Variants in FBXL7 observed in about 807,000 individuals in gnomAD.
FBXL7 encodes F-box/LRR-repeat protein 7.
In FBXL7, 12 loss-of-function variants were observed where a neutral mutation model predicts 38.3. The observed-to-expected ratio is 0.31, with a 90% confidence interval of 0.20 to 0.51. The LOEUF (loss-of-function observed/expected upper bound fraction) is 0.51, where lower values mean the gene tolerates loss of function less well. Ranked by LOEUF, FBXL7 falls within the 20% of genes least tolerant of loss-of-function variation. FBXL7 has a pLI of 0.98. For synonymous variants in FBXL7, 297 were observed against 300.9 expected (o/e 0.99, Z 0.13); for missense variants, 567 against 676.4 (o/e 0.84, Z 1.79).
chr5:15,523,167 G>A (rs575696556), intron 1 of FBXL7, among the ~76,000 whole-genome samples: 1 of 152,280 alleles, frequency 6.6e-6, no homozygotes, highest in South Asian at 2.1e-4. Context: ...TAGGGTAAAT[G>A]GCACTAACTA....
chr5:15,836,306 C>T (rs145689530), intron 2 of FBXL7, among the ~76,000 whole-genome samples: 8 of 151,876 alleles, frequency 5.3e-5, no homozygotes, highest in Middle Eastern at 3.4e-3. Context: ...TGGGCTCTAA[C>T]GAAGGAAGAC....
In FBXL7 at chr5:15,777,720, T is replaced by TAAAAAAAAAAAAA. The variant is rs371293320; in HGVS notation, c.128-150156_128-150144dup. ...TATTGTTTGCAAACCCCTATTCTGG[T>TAAAAAAAAAAAAA]AAAAAAAAAAAAAAAAAAAAAAAAA... On this transcript the variant is annotated intron_variant, in intron 2 of 3. Transcript: ENST00000504595. Among the ~76,000 whole-genome samples the TAAAAAAAAAAAAA allele has an allele frequency of 1.2e-3, 99 of 82,502 alleles. 2 individuals are homozygous for TAAAAAAAAAAAAA. Among genetic ancestry groups the TAAAAAAAAAAAAA allele is most frequent in the African/African-American group, 1.9e-3 (34 of 17,726 alleles). 54.1% of individuals were successfully genotyped at this position (82,502 alleles called of 152,430 possible).
chr5:15,830,813 G>C (rs188490732), intron 2 of FBXL7, among the ~76,000 whole-genome samples: 2 of 152,314 alleles, frequency 1.3e-5, no homozygotes, highest in East Asian at 3.9e-4. Context: ...GTGGAGGGGA[G>C]TGGGGATGCC....
intron 2 of FBXL7, among the ~76,000 whole-genome samples, chr5:15,875,374 A>G (rs1740156564): frequency 6.6e-6 from 1 of 152,236 alleles, no homozygotes; most frequent in Non-Finnish European, 1.5e-5. Context: ...CACCAAAAGC[A>G]ATGGCAACAA....
At chr5:15,585,608 A>G (rs1027957901) in intron 1 of FBXL7, among the ~76,000 whole-genome samples, 2 of 152,250 alleles carry the variant, frequency 1.3e-5, no homozygotes, top group Non-Finnish European at 2.9e-5. Context: ...TCATGATTGT[A>G]TGCCTGAGCT....
chr5:15,782,710 G>T (rs898966583), intron 2 of FBXL7, among the ~76,000 whole-genome samples: 2 of 152,012 alleles, frequency 1.3e-5, no homozygotes, highest in African/African-American at 4.8e-5. Context: ...AAGATCTAAG[G>T]AGCAACCTTT....
Position 15,509,112 on chromosome 5 carries a change from A to G in FBXL7, c.37+8399A>G, listed in dbSNP as rs1462302928. 2.0e-5 allele frequency among the ~76,000 whole-genome samples: 3 copies of G among 152,324 alleles called. No individual in the cohort carries two copies. The East Asian group carries it at 5.8e-4, about 29-fold the overall frequency. ...TGTTATTGGTCAGTGATATTTGATCAGAAGCTACAGACTAGAACCATACAA... is the reference window on the plus strand; with the variant it reads ...TGTTATTGGTCAGTGATATTTGATCGGAAGCTACAGACTAGAACCATACAA... On this transcript the variant is annotated intron_variant, in intron 1 of 3. Transcript: ENST00000504595.
rs73752365 is a variant in FBXL7, at chr5:15,893,206, T to A, written c.128-34684T>A. On this transcript the variant is annotated intron_variant, in intron 2 of 3. Transcript: ENST00000504595. The stretch of plus-strand genomic sequence containing the variant: ...AGAGGCAGGACAGGGTGGAAATCAG[T>A]CTGACCCCAATCAGTCTCTCCCACT... 7.0e-3 allele frequency among the ~76,000 whole-genome samples: 1,058 copies of A among 151,820 alleles called. 19 individuals carry two copies. The highest frequency in any genetic ancestry group is 0.024 in the African/African-American group (1,004 of 41,386).
intron 2 of FBXL7, among the ~76,000 whole-genome samples, chr5:15,665,386 C>A (rs1426008183): frequency 6.6e-6 from 1 of 152,186 alleles, no homozygotes; most frequent in Non-Finnish European, 1.5e-5. Flanking sequence ...CTCTACCTAT[C>A]TATACGGTGG....
intron 2 of FBXL7, among the ~76,000 whole-genome samples, chr5:15,761,180 C>G (rs1175137993): frequency 1.3e-5 from 2 of 152,192 alleles, no homozygotes; most frequent in African/African-American, 4.8e-5. Flanking sequence ...TCTGTTCTTT[C>G]CATTTCCTTT....
At chr5:15,858,052 C>T (rs1042028869) in intron 2 of FBXL7, among the ~76,000 whole-genome samples, 8 of 152,056 alleles carry the variant, frequency 5.3e-5, no homozygotes, top group Admixed American at 4.6e-4. Flanking sequence ...GTTTGGATTT[C>T]TTTCCAAGTT....
Position 15,928,046 on chromosome 5 carries a change from G to A in FBXL7, c.284G>A (p.Arg95His), listed in dbSNP as rs759732541. The change falls in exon 3 of 4, where the codon CGC becomes CAC. Residue 95 changes from arginine (R) to histidine (H), a missense_variant. Physicochemically the swap from Arg to His is conservative, Grantham distance 29. Coordinates refer to ENST00000504595, the MANE Select transcript of FBXL7 (RefSeq NM_012304.5). This position sits in a 1 kb window ranked among gnomAD's most constrained non-coding sequence, Gnocchi z 4.0. Reference sequence around the variant, plus strand: ...ATGGTGCACTCCCCGCCCCCGACCCGCCTCACACACCCGCTCATCCGGCTC... The same window carrying A: ...ATGGTGCACTCCCCGCCCCCGACCCACCTCACACACCCGCTCATCCGGCTC... ...VAMVHSPPPT[R>H]LTHPLIRLAS... 6.4e-6 allele frequency: 9 copies of A among 1,414,684 alleles called. No homozygotes were observed. The highest frequency in any genetic ancestry group is 1.9e-4 in the Middle Eastern group (1 of 5,400). 87.6% of individuals were successfully genotyped at this position (1,414,684 alleles called of 1,614,324 possible).
intron 2 of FBXL7, among the ~76,000 whole-genome samples, chr5:15,872,414 T>C (rs1406370644): frequency 6.6e-6 from 1 of 151,880 alleles, no homozygotes; most frequent in African/African-American, 2.4e-5. Context: ...CACATAACAA[T>C]AACAATAACA....
chr5:15,777,550 A>T (rs546522658), intron 2 of FBXL7, among the ~76,000 whole-genome samples: 1 of 151,984 alleles, frequency 6.6e-6, no homozygotes, highest in East Asian at 1.9e-4. Flanking sequence ...CTGTTATGAG[A>T]TTGTCAGACT....
intron 2 of FBXL7, among the ~76,000 whole-genome samples, chr5:15,716,591 C>T (rs1156974066): frequency 2.0e-5 from 3 of 152,172 alleles, no homozygotes; most frequent in African/African-American, 4.8e-5. Context: ...CTTCTCCTAA[C>T]ATCTTTCGGG....
chr5:15,530,024 T>C (rs986379089), intron 1 of FBXL7, among the ~76,000 whole-genome samples: 4 of 152,232 alleles, frequency 2.6e-5, no homozygotes, highest in Admixed American at 6.5e-5. Flanking sequence ...GACATTGCAG[T>C]GTTTGGAACT....
chr5:15,806,580 C>T (rs911114304), intron 2 of FBXL7, among the ~76,000 whole-genome samples: 7 of 152,000 alleles, frequency 4.6e-5, no homozygotes, highest in Non-Finnish European at 8.8e-5. Flanking sequence ...CACTGGGGCA[C>T]GGTGTAGAGT....
chr5:15,872,280 A>T (rs1205322445), intron 2 of FBXL7, among the ~76,000 whole-genome samples: 1 of 152,192 alleles, frequency 6.6e-6, no homozygotes, highest in Non-Finnish European at 1.5e-5. Context: ...AGGAAGCACT[A>T]AATACAGAAA....
chr5:15,895,804 T>C (rs1741084269), intron 2 of FBXL7, among the ~76,000 whole-genome samples: 1 of 151,334 alleles, frequency 6.6e-6, no homozygotes, highest in Non-Finnish European at 1.5e-5. Flanking sequence ...CCACCACGCC[T>C]GGCTAATTTT....
Sources: gnomAD v4.1 joint callset for allele counts (sites outside exome capture counted in the v4.1 genomes callset) on GRCh38, gnomAD v4.1.1 for gene constraint, Gnocchi (gnomAD v3.1) non-coding constraint, MANE v1.5 for transcripts, NCBI Gene and HGNC (gene_info 2026-07-23, HGNC 2026-07-21) for gene names.